LOXL2: variants seen among roughly 807,000 people sequenced by gnomAD.
The protein encoded by LOXL2 is lysyl oxidase like 2, also known as lysyl oxidase homolog 2.
A neutral mutation model predicts 93.0 loss-of-function variants in LOXL2; 70 were observed. That is an observed-to-expected ratio of 0.75 (90% CI 0.62 to 0.92). LOXL2 has a LOEUF of 0.92. Ranked by LOEUF, LOXL2 falls within the 40% of genes least tolerant of loss-of-function variation. The probability of loss-of-function intolerance (pLI) is 0.00; values close to 1 mark genes in which losing one functional copy is unlikely to be tolerated. For missense variants in LOXL2, 973 were observed against 1,054.9 expected (o/e 0.92, Z 1.08); for synonymous variants, 438 against 413.2 (o/e 1.06, Z -0.73).
intron 6 of LOXL2, among the ~76,000 whole-genome samples, chr8:23,323,229 G>A (rs968878905): frequency 2.6e-5 from 4 of 152,224 alleles, no homozygotes; most frequent in African/African-American, 9.6e-5. Context: ...GCTGTGACAA[G>A]GCACCGATCC....
At chr8:23,331,801 TGA>T (rs1803683126) in intron 5 of LOXL2, 1 of 152,082 alleles carries the variant, frequency 6.6e-6, no homozygotes, top group African/African-American at 2.4e-5. Context: ...TTTGGGAGGC[TGA>T]GGCGGGTGGG....
chr8:23,334,383 C>G (rs1220069966), intron 4 of LOXL2, among the ~76,000 whole-genome samples: 2 of 152,226 alleles, frequency 1.3e-5, no homozygotes, highest in African/African-American at 4.8e-5. Flanking sequence ...ATGAGCAGTA[C>G]AAGCTGATTG....
intron 1 of LOXL2, among the ~76,000 whole-genome samples, chr8:23,390,565 C>A (rs979558752): frequency 6.6e-6 from 1 of 152,216 alleles, no homozygotes; most frequent in African/African-American, 2.4e-5. Flanking sequence ...GGGGGTTCCC[C>A]GCAGCCCACC....
intron 6 of LOXL2, among the ~76,000 whole-genome samples, chr8:23,326,073 C>CT (rs1189868708): frequency 6.6e-6 from 1 of 152,236 alleles, no homozygotes; most frequent in Admixed American, 6.5e-5. Flanking sequence ...GGTGTGGTCA[C>CT]TGAGTCCATC....
intron 1 of LOXL2, among the ~76,000 whole-genome samples, chr8:23,402,134 G>A (rs970221019): frequency 6.6e-6 from 1 of 151,982 alleles, no homozygotes; most frequent in Non-Finnish European, 1.5e-5. Flanking sequence ...ATACAGGTGT[G>A]CACACATGCA....
chr8:23,335,518 G>T (rs1451901579), intron 4 of LOXL2, among the ~76,000 whole-genome samples: 1 of 152,182 alleles, frequency 6.6e-6, no homozygotes, highest in Non-Finnish European at 1.5e-5. Context: ...GGATTCCATG[G>T]TTGGAGTGAT....
intron 1 of LOXL2, among the ~76,000 whole-genome samples, chr8:23,400,463 G>C (rs765969952): frequency 3.3e-5 from 5 of 152,148 alleles, no homozygotes; most frequent in Non-Finnish European, 7.4e-5. Flanking sequence ...ACCTTTCATC[G>C]GGTCTTTCCT....
chr8:23,336,958 GAGCTTCC>G (rs1803803064), intron 4 of LOXL2: 1 of 152,182 alleles, frequency 6.6e-6, no homozygotes, highest in Non-Finnish European at 1.5e-5. Context: ...CCTCATTCAA[GAGCTTCC>G]AGTCTGATAA....
At chr8:23,366,978 T>G in intron 2 of LOXL2, among the ~76,000 whole-genome samples, 1 of 152,200 alleles carries the variant, frequency 6.6e-6, no homozygotes, top group Non-Finnish European at 1.5e-5. Flanking sequence ...CAGTACAGAC[T>G]GAGCTCTAGG....
intron 3 of LOXL2, among the ~76,000 whole-genome samples, chr8:23,343,785 C>T (rs1254363263): frequency 2.0e-5 from 3 of 152,286 alleles, no homozygotes; most frequent in Non-Finnish European, 2.9e-5. Context: ...CCGCAGGACC[C>T]GTGCCACCAA....
rs539215095 is a variant in LOXL2, at chr8:23,360,157, C to G, written c.464G>C (p.Gly155Ala). ...AATCCTTTTGTCGCTGCACACCACACCGACATCCTCCGTGTGCTTGCAGTC... is the reference window on the plus strand; with the variant it reads ...AATCCTTTTGTCGCTGCACACCACAGCGACATCCTCCGTGTGCTTGCAGTC... ...VTDCKHTEDVGVVCSDKRIPG... is the reference protein window; with the variant it reads ...VTDCKHTEDVAVVCSDKRIPG... The change falls in exon 3 of 14, where the codon GGT becomes GCT. Residue 155 changes from glycine to alanine, a missense_variant. Transcript: ENST00000389131. 4.3e-6 allele frequency: 7 copies of G among 1,614,050 alleles called. No homozygotes were observed. In the South Asian group the frequency reaches 7.7e-5, roughly 18 times the overall value.
intron 10 of LOXL2, among the ~76,000 whole-genome samples, chr8:23,308,805 G>C (rs980138060): frequency 6.6e-6 from 1 of 152,040 alleles, no homozygotes; most frequent in Non-Finnish European, 1.5e-5. Context: ...GAGCTGGAAG[G>C]GACAGGCGAG....
chr8:23,299,773 C>T (rs933150677), intron 12 of LOXL2, among the ~76,000 whole-genome samples: 3 of 152,212 alleles, frequency 2.0e-5, no homozygotes, highest in Non-Finnish European at 4.4e-5. Context: ...CGGGTACAGG[C>T]TGCTCGTTCA....
chr8:23,337,024 CT>C (rs573663956), intron 4 of LOXL2: 3 of 152,182 alleles, frequency 2.0e-5, no homozygotes, highest in Non-Finnish European at 4.4e-5. Context: ...CTCTACTCTG[CT>C]TTTATGATTT....
intron 12 of LOXL2, among the ~76,000 whole-genome samples, chr8:23,300,005 C>T (rs778281577): frequency 4.7e-4 from 72 of 152,204 alleles, no homozygotes; most frequent in Non-Finnish European, 9.3e-4. Context: ...TGCTCCGGGG[C>T]GGCTTGAGTT....
intron 6 of LOXL2, among the ~76,000 whole-genome samples, chr8:23,325,083 G>C (rs1803558099): frequency 6.6e-6 from 1 of 152,172 alleles, no homozygotes; most frequent in African/African-American, 2.4e-5. Context: ...GACAAACTGA[G>C]AGGTCTGTTA....
At chr8:23,298,229 T>G in intron 13 of LOXL2, 107 bp from the exon 14 acceptor site, 1 of 749,268 alleles carries the variant, frequency 1.3e-6, no homozygotes, top group Non-Finnish European at 2.3e-6. Flanking sequence ...GCCACCTGTG[T>G]GTGCCCTCCT....
intron 3 of LOXL2, among the ~76,000 whole-genome samples, chr8:23,352,887 CAG>C (rs1280209133): frequency 1.3e-5 from 2 of 151,832 alleles, no homozygotes; most frequent in Middle Eastern, 3.4e-3. Context: ...GGAGGTCACT[CAG>C]GGGATAGGCA....
chr8:23,392,999 C>A (rs1316403256), intron 1 of LOXL2, among the ~76,000 whole-genome samples: 1 of 152,068 alleles, frequency 6.6e-6, no homozygotes, highest in Non-Finnish European at 1.5e-5. Context: ...GTAAATTTAA[C>A]AAAAGAAATA....
Sources: allele counts gnomAD v4.1 joint callset (sites outside exome capture counted in the v4.1 genomes callset), GRCh38; gene constraint gnomAD v4.1.1; transcripts MANE v1.5; gene names NCBI Gene and HGNC (gene_info 2026-07-23, HGNC 2026-07-21).